CNTN6: variants seen among roughly 807,000 people sequenced by gnomAD.
CNTN6 encodes the protein contactin-6.
In CNTN6, 137 loss-of-function variants were observed where a neutral mutation model predicts 122.8. That is an observed-to-expected ratio of 1.12 (90% CI 0.97 to 1.29). CNTN6 has a LOEUF of 1.29. CNTN6 is among the 50% of genes most tolerant of loss of function. CNTN6 has a pLI of 0.00. For synonymous variants in CNTN6, 570 were observed against 426.0 expected (o/e 1.34, Z -4.16); for missense variants, 1,634 against 1,223.4 (o/e 1.34, Z -5.01).
intron 17 of CNTN6, among the ~76,000 whole-genome samples, chr3:1,382,105 T>TAA (rs5846113): frequency 1.1e-4 from 16 of 145,382 alleles, no homozygotes; most frequent in African/African-American, 2.3e-4. Context: ...GAATATTTAT[T>TAA]AAAAAAAAAA....
chr3:1,258,330 G>GTGC (rs1165985046), intron 4 of CNTN6, among the ~76,000 whole-genome samples: 1 of 152,006 alleles, frequency 6.6e-6, no homozygotes, highest in Non-Finnish European at 1.5e-5. Flanking sequence ...TGATTTTTTG[G>GTGC]TGCTGCTGCT....
At chr3:1,384,888 A>G (rs1692627100) in intron 19 of CNTN6, among the ~76,000 whole-genome samples, 1 of 149,312 alleles carries the variant, frequency 6.7e-6, no homozygotes, top group Admixed American at 6.7e-5. Flanking sequence ...TGTCTTTTCC[A>G]CTCCATGCCA....
rs182303639 is a variant in CNTN6 at position 1,331,824 on chromosome 3, G to A, written c.1364+1889G>A. On this transcript the variant is annotated intron_variant, in intron 11 of 22. Coordinates refer to ENST00000446702, the MANE Select transcript of CNTN6 (RefSeq NM_001289080.2). ...AGGAGGAGAATTTGAGTAAAGCTAAGATAATGAGAGAGAGAAAAAAAAAAG... is the reference window on the plus strand; with the variant it reads ...AGGAGGAGAATTTGAGTAAAGCTAAAATAATGAGAGAGAGAAAAAAAAAAG... Among the ~76,000 whole-genome samples the A allele has an allele frequency of 2.0e-5, 3 of 150,204 alleles. No individual in the cohort carries two copies. The East Asian group carries it at 5.9e-4, about 30-fold the overall frequency.
chr3:1,271,799 G>A (rs1294638041), intron 4 of CNTN6, among the ~76,000 whole-genome samples: 1 of 152,122 alleles, frequency 6.6e-6, no homozygotes, highest in Non-Finnish European at 1.5e-5. Flanking sequence ...TGACCATGGA[G>A]TATTAGTTTA....
In CNTN6 at chr3:1,298,003, GTTTTTGTT is replaced by G. The variant is rs1696576230; in HGVS notation, c.761+16_761+23del. The G allele has an allele frequency of 1.4e-6, 2 of 1,449,456 alleles. No individual in the cohort carries two copies. Among genetic ancestry groups the G allele is most frequent in the Non-Finnish European group, 1.8e-6 (2 of 1,102,420 alleles). 89.8% of individuals were successfully genotyped at this position (1,449,456 alleles called of 1,614,324 possible). On this transcript the variant is annotated intron_variant, in intron 7 of 22. Transcript: ENST00000446702. ...TTTGCCCTTGGAAAGTAAGGTTTTT[GTTTTTGTT>G]TTTGTTTTCCTGGTTGCATTAATTT...
At chr3:1,219,201 T>C (rs1266558118) in intron 2 of CNTN6, among the ~76,000 whole-genome samples, 2 of 152,222 alleles carry the variant, frequency 1.3e-5, no homozygotes, top group East Asian at 3.9e-4. Flanking sequence ...AAAAGATACT[T>C]ACTTTTATAC....
intron 1 of CNTN6, among the ~76,000 whole-genome samples, chr3:1,121,496 A>G (rs1574923530): frequency 6.6e-6 from 1 of 151,940 alleles, no homozygotes; most frequent in Non-Finnish European, 1.5e-5. Context: ...AAGAGCTACA[A>G]TAACAGAACT....
At chr3:1,390,967 C>T (rs566690395) in intron 20 of CNTN6, among the ~76,000 whole-genome samples, 1 of 146,206 alleles carries the variant, frequency 6.8e-6, no homozygotes, top group Non-Finnish European at 1.5e-5. Context: ...CCGAATTCTA[C>T]CAGAGGTACA....
chr3:1,258,347 TAGTG>T (rs1449096330), intron 4 of CNTN6, among the ~76,000 whole-genome samples: 1 of 152,138 alleles, frequency 6.6e-6, no homozygotes, highest in Non-Finnish European at 1.5e-5. Flanking sequence ...TGCTACTTCT[TAGTG>T]AGCAAGACAA....
chr3:1,130,188 T>A (rs1479746422), intron 1 of CNTN6, among the ~76,000 whole-genome samples: 3 of 152,054 alleles, frequency 2.0e-5, no homozygotes, highest in Non-Finnish European at 4.4e-5. Flanking sequence ...ACATTGACTT[T>A]ATTTCAAGGC....
chr3:1,218,875 G>T (rs1392959467), intron 2 of CNTN6, among the ~76,000 whole-genome samples: 5 of 152,148 alleles, frequency 3.3e-5, no homozygotes, highest in African/African-American at 1.2e-4. Context: ...TTTTGTTTTT[G>T]TTTTTAACAA....
Position 1,295,642 on chromosome 3 carries a change from G to A in CNTN6, c.496G>A (p.Val166Ile), listed in dbSNP as rs200016320. The A allele has an allele frequency of 6.3e-5, 102 of 1,613,766 alleles. 3 individuals are homozygous for A. The highest frequency in any genetic ancestry group is 4.3e-4 in the South Asian group (39 of 91,078). Residue 166 changes from valine to isoleucine, a missense_variant, in exon 6 of 23, where the codon GTC becomes ATC. Physicochemically the swap from Val to Ile is conservative, Grantham distance 29. Transcript: ENST00000446702. Reference sequence around the variant, plus strand: ...GACCTTCAATGATAACCCCTTATACGTCCAAGAGGACAATAGGCGATTTGT... The same window carrying A: ...GACCTTCAATGATAACCCCTTATACATCCAAGAGGACAATAGGCGATTTGT... ...AWTFNDNPLY[V>I]QEDNRRFVSQ...
At chr3:1,176,815 T>C (rs1479185433) in intron 2 of CNTN6, among the ~76,000 whole-genome samples, 1 of 152,184 alleles carries the variant, frequency 6.6e-6, no homozygotes, top group Non-Finnish European at 1.5e-5. Context: ...AAAATGTTTA[T>C]GCTAATAAAG....
chr3:1,177,926 A>C (rs1173199733), intron 2 of CNTN6, among the ~76,000 whole-genome samples: 6 of 142,096 alleles, frequency 4.2e-5, no homozygotes, highest in Non-Finnish European at 7.5e-5. Context: ...TTTGAGACAG[A>C]GTCTCACTCT....
chr3:1,108,249 A>T (rs1460942923), intron 1 of CNTN6, among the ~76,000 whole-genome samples: 1 of 152,074 alleles, frequency 6.6e-6, no homozygotes, highest in African/African-American at 2.4e-5. Context: ...GAGACCAAAA[A>T]TGTTTTAGAG....
In CNTN6 at chr3:1,352,386, C is replaced by T. The variant is rs199898905; in HGVS notation, c.1427C>T (p.Ser476Leu). Reference sequence around the variant, plus strand: ...AATATTACCAGGTCAGATGCTGGATCATATACATGCATAGCCACAAATCAG... The same window carrying T: ...AATATTACCAGGTCAGATGCTGGATTATATACATGCATAGCCACAAATCAG... Reference protein sequence around the residue: ...IYNITRSDAGSYTCIATNQFG... With the variant: ...IYNITRSDAGLYTCIATNQFG... Residue 476 changes from serine (S) to leucine (L), a missense_variant, in exon 12 of 23, where the codon TCA becomes TTA. Ser to Leu is a moderately radical substitution (Grantham distance 145). Coordinates refer to ENST00000446702, the MANE Select transcript of CNTN6 (RefSeq NM_001289080.2). 1 of 1,603,182 alleles carries T rather than the reference C, an allele frequency of 6.2e-7. No homozygotes were observed. The highest frequency in any genetic ancestry group is 1.3e-5 in the African/African-American group (1 of 74,448).
chr3:1,309,615 G>A (rs186533025), intron 7 of CNTN6, among the ~76,000 whole-genome samples: 1 of 152,000 alleles, frequency 6.6e-6, no homozygotes, highest in East Asian at 1.9e-4. Flanking sequence ...GTTTTGTTTT[G>A]CTTTCCTTGT....
chr3:1,267,671 G>A lies in CNTN6; in HGVS notation c.359-10742G>A, dbSNP rs78671906. The stretch of plus-strand genomic sequence containing the variant: ...AGTTTATAGTGTCGAATCCATTTAC[G>A]GTCCAAGTTAAAATTTCTCTTTGGG... On this transcript the variant is annotated intron_variant, in intron 4 of 22. Coordinates refer to ENST00000446702, the MANE Select transcript of CNTN6 (RefSeq NM_001289080.2). Among the ~76,000 whole-genome samples the A allele has an allele frequency of 1.0e-3, 159 of 152,076 alleles. 1 individual carries two copies. Among genetic ancestry groups the A allele is most frequent in the African/African-American group, 3.7e-3 (153 of 41,480 alleles).
intron 4 of CNTN6, among the ~76,000 whole-genome samples, chr3:1,246,750 T>G (rs1559602233): frequency 6.6e-6 from 1 of 152,206 alleles, no homozygotes; most frequent in Non-Finnish European, 1.5e-5. Flanking sequence ...TCATTTTGGT[T>G]TAGCTTCTGT....
Sources: gnomAD v4.1 joint callset for allele counts (sites outside exome capture counted in the v4.1 genomes callset) on GRCh38, gnomAD v4.1.1 for gene constraint, MANE v1.5 for transcripts, NCBI Gene and HGNC (gene_info 2026-07-23, HGNC 2026-07-21) for gene names.